The following RSPRY1 variants were observed in gnomAD, a reference collection of about 807,000 sequenced individuals.
RSPRY1 encodes the protein RING finger and SPRY domain-containing protein 1.
Under a neutral mutation model 73.1 loss-of-function variants are expected in RSPRY1, and 23 were observed. The ratio of observed to expected loss-of-function variants is 0.31; its 90% CI spans 0.23 to 0.45. The LOEUF (loss-of-function observed/expected upper bound fraction) is 0.45. Ranked by LOEUF, RSPRY1 falls within the 20% of genes least tolerant of loss-of-function variation. The pLI, the probability that RSPRY1 is intolerant of heterozygous loss-of-function variation, is 1.00. For synonymous variants in RSPRY1, 226 were observed against 251.4 expected (o/e 0.90, Z 0.95); for missense variants, 448 against 698.7 (o/e 0.64, Z 4.05).
intron 14 of RSPRY1, among the ~76,000 whole-genome samples, chr16:57,237,776 A>T (rs1408523054): frequency 1.3e-5 from 2 of 151,846 alleles, no homozygotes. Flanking sequence ...CAGTGGCGTG[A>T]TCTCAGCTCA....
chr16:57,223,993 A>G (rs1178781945), intron 10 of RSPRY1, among the ~76,000 whole-genome samples: 2 of 152,208 alleles, frequency 1.3e-5, no homozygotes, highest in Non-Finnish European at 2.9e-5. Flanking sequence ...AGGATAGCCC[A>G]TGCTCCTTCC....
Position 57,231,165 on chromosome 16 carries a change from A to G in RSPRY1, c.1377-2A>G, listed in dbSNP as rs2075213729. 1 of 1,612,008 alleles carries G rather than the reference A, an allele frequency of 6.2e-7. No individual in the cohort carries two copies. Among genetic ancestry groups the G allele is most frequent in the Non-Finnish European group, 8.5e-7 (1 of 1,179,094 alleles). On this transcript the variant is annotated splice_acceptor_variant, in intron 12 of 14. Transcript: ENST00000394420. LOFTEE classifies it high-confidence loss of function. ...TGGCCTCTGTACTCATTTTATTTGT[A>G]GATCTGGATTTTTTGCTGCAGCTAG...
chr16:57,216,760 T>C (rs1454427379), intron 7 of RSPRY1, 144 bp from the exon 8 acceptor site: 8 of 762,728 alleles, frequency 1.0e-5, no homozygotes, highest in South Asian at 1.8e-5. Flanking sequence ...TCTTTGGCTA[T>C]GTTTTCCCTA....
chr16:57,214,331 A>G (rs949267283), intron 6 of RSPRY1, among the ~76,000 whole-genome samples: 18 of 151,378 alleles, frequency 1.2e-4, no homozygotes, highest in African/African-American at 4.1e-4. Flanking sequence ...ATAAATCTCT[A>G]CTCCTCCCTG....
intron 1 of RSPRY1, among the ~76,000 whole-genome samples, chr16:57,202,629 C>T (rs1348064645): frequency 6.6e-6 from 1 of 152,096 alleles, no homozygotes; most frequent in Non-Finnish European, 1.5e-5. Flanking sequence ...CATACTCCTA[C>T]CTATATACTT....
chr16:57,228,335 A>G (rs2075152760), intron 11 of RSPRY1, among the ~76,000 whole-genome samples: 1 of 150,332 alleles, frequency 6.7e-6, no homozygotes, highest in Admixed American at 6.6e-5. Context: ...AAACAGCTCC[A>G]CTTGATTAAA....
chr16:57,215,297 G>T (rs1211308638), intron 6 of RSPRY1, among the ~76,000 whole-genome samples: 1 of 152,178 alleles, frequency 6.6e-6, no homozygotes, highest in Non-Finnish European at 1.5e-5. Context: ...AGGGTTTAGG[G>T]CCTGAAAAGC....
chr16:57,233,773 C>G (rs1279706458), intron 13 of RSPRY1, among the ~76,000 whole-genome samples: 1 of 152,188 alleles, frequency 6.6e-6, no homozygotes, highest in African/African-American at 2.4e-5. Flanking sequence ...AATCCCTCAG[C>G]AAATCCAGTA....
At chr16:57,189,583 CTTTTCTTTTCTTTT>C (rs2074316264) in intron 1 of RSPRY1, among the ~76,000 whole-genome samples, 1 of 112,394 alleles carries the variant, frequency 8.9e-6, no homozygotes, top group South Asian at 2.7e-4. Flanking sequence ...TTTTCTTTTT[CTTTTCTTTTCTTTT>C]TTTTTTTTTT....
At chr16:57,211,670 A>C (rs1406524806) in intron 4 of RSPRY1, among the ~76,000 whole-genome samples, 1 of 152,182 alleles carries the variant, frequency 6.6e-6, no homozygotes, top group Non-Finnish European at 1.5e-5. Flanking sequence ...CATAGAACAA[A>C]AGCATCGAAC....
intron 13 of RSPRY1, among the ~76,000 whole-genome samples, chr16:57,232,166 A>G (rs2075232529): frequency 1.3e-5 from 2 of 152,204 alleles, no homozygotes; most frequent in African/African-American, 2.4e-5. Flanking sequence ...GACATAGCTA[A>G]TGTCGGACTG....
intron 1 of RSPRY1, among the ~76,000 whole-genome samples, chr16:57,196,103 A>G (rs1035719414): frequency 2.7e-5 from 4 of 150,362 alleles, no homozygotes; most frequent in East Asian, 1.9e-4. Flanking sequence ...CTCATTTTCT[A>G]TTCCGTTCAG....
intron 5 of RSPRY1, 133 bp downstream of exon 5, chr16:57,213,231 T>A: frequency 1.2e-6 from 1 of 811,756 alleles, no homozygotes; most frequent in Non-Finnish European, 1.8e-6. Context: ...AGACATAGAC[T>A]AACTGGAAGA....
chr16:57,208,215 C>T (rs965480007), intron 3 of RSPRY1, 105 bp downstream of exon 3: 8 of 655,322 alleles, frequency 1.2e-5, no homozygotes, highest in Middle Eastern at 4.4e-4. Context: ...TAAAAGACTC[C>T]AAAAATACAG....
At chr16:57,206,473 C>T (rs917643506) in intron 2 of RSPRY1, among the ~76,000 whole-genome samples, 6 of 152,114 alleles carry the variant, frequency 3.9e-5, no homozygotes, top group African/African-American at 1.4e-4. Flanking sequence ...GTTATCCTTC[C>T]CAAATAAGGA....
chr16:57,202,015 G>A (rs879497891), intron 1 of RSPRY1, among the ~76,000 whole-genome samples: 6 of 152,046 alleles, frequency 3.9e-5, no homozygotes, highest in Non-Finnish European at 8.8e-5. Flanking sequence ...TTTTGAAATA[G>A]GAATATTAAA....
intron 13 of RSPRY1, among the ~76,000 whole-genome samples, chr16:57,234,129 C>T (rs1265946924): frequency 1.3e-5 from 2 of 152,134 alleles, no homozygotes; most frequent in East Asian, 1.9e-4. Flanking sequence ...CCCGTTTTCT[C>T]ATGCTCCTTC....
intron 10 of RSPRY1, among the ~76,000 whole-genome samples, chr16:57,226,785 T>G (rs2075127496): frequency 6.6e-6 from 1 of 152,210 alleles, no homozygotes; most frequent in Non-Finnish European, 1.5e-5. Context: ...TGTCTCATCC[T>G]GTGACTAAGA....
At chr16:57,231,389 C>A (rs545544244) in intron 13 of RSPRY1, 70 bp downstream of exon 13, 6 of 1,427,986 alleles carry the variant, frequency 4.2e-6, no homozygotes, top group African/African-American at 1.4e-5. Context: ...AATTTATAAT[C>A]AACGTTAAAA....
Sources: allele counts gnomAD v4.1 joint callset (sites outside exome capture counted in the v4.1 genomes callset), GRCh38; gene constraint gnomAD v4.1.1; transcripts MANE v1.5; gene names NCBI Gene and HGNC (gene_info 2026-07-23, HGNC 2026-07-21).